Variants in NT5C1B observed in about 807,000 individuals in gnomAD.
NT5C1B encodes cytosolic 5'-nucleotidase 1B.
NT5C1B carries 44 observed loss-of-function variants against 57.8 expected under a neutral mutation model. The ratio of observed to expected loss-of-function variants is 0.76; its 90% CI spans 0.60 to 0.98. The LOEUF is 0.98. Ranked by LOEUF, NT5C1B falls within the 50% of genes least tolerant of loss-of-function variation. NT5C1B has a pLI of 0.00. For synonymous variants in NT5C1B, 284 were observed against 282.6 expected, an observed-to-expected ratio of 1.00 and a Z score of -0.05; for missense variants, 742 against 719.5, an observed-to-expected ratio of 1.03 and a Z score of -0.36.
intron 6 of NT5C1B, among the ~76,000 whole-genome samples, chr2:18,581,135 G>A (rs1666145887): frequency 6.6e-6 from 1 of 152,028 alleles, no homozygotes; most frequent in African/African-American, 2.4e-5. Context: ...AAAAAACACT[G>A]GCTGTTTGTA....
chr2:18,578,425 C>T (rs1444458364), intron 6 of NT5C1B, among the ~76,000 whole-genome samples: 1 of 152,120 alleles, frequency 6.6e-6, no homozygotes, highest in East Asian at 1.9e-4. Flanking sequence ...CTACTGTGAT[C>T]AAGTAGGCTT....
chr2:18,586,626 C>T (rs1016548336), intron 2 of NT5C1B: 2 of 651,798 alleles, frequency 3.1e-6, no homozygotes, highest in Non-Finnish European at 5.0e-6. Flanking sequence ...CATCCAAAAC[C>T]AAGATGCAAA....
intron 7 of NT5C1B, 37 bp downstream of exon 7, chr2:18,576,736 C>G: frequency 6.2e-7 from 1 of 1,610,116 alleles, no homozygotes; most frequent in South Asian, 1.1e-5. Flanking sequence ...TAGTGTAAAC[C>G]TCTTTATTAA....
chr2:18,564,936 C>G (rs1005800785), intron 8 of NT5C1B, among the ~76,000 whole-genome samples: 8 of 152,054 alleles, frequency 5.3e-5, no homozygotes, highest in Admixed American at 5.2e-4. Context: ...CCTCAGTCCT[C>G]TATTTTAAAA....
In NT5C1B at chr2:18,584,016, T is replaced by C. The variant is rs763003221; in HGVS notation, c.891+72A>G. The C allele has an allele frequency of 1.1e-5, 18 of 1,612,184 alleles. No individual in the cohort carries two copies. The highest frequency in any genetic ancestry group is 3.3e-4 in the Middle Eastern group (2 of 6,082). ...GAATGATCTGGGAAATTGGATGCCC[T>C]CCCAAGGGTTGGCCTGGGTCCCTCC... On this transcript the variant is annotated intron_variant, in intron 5 of 8. Coordinates refer to ENST00000304081, the Ensembl canonical transcript of NT5C1B. The surrounding 1 kb of genome is among the most constrained non-coding windows in gnomAD (Gnocchi z 5.8).
intron 1 of NT5C1B, among the ~76,000 whole-genome samples, chr2:18,588,398 A>G (rs1001608798): frequency 6.6e-6 from 1 of 152,172 alleles, no homozygotes; most frequent in Non-Finnish European, 1.5e-5. Context: ...AGAGCAGTCT[A>G]TATTCATCCG....
chr2:18,588,960 C>T (rs1198950734), intron 1 of NT5C1B, among the ~76,000 whole-genome samples: 3 of 152,168 alleles, frequency 2.0e-5, no homozygotes, highest in Non-Finnish European at 2.9e-5. Context: ...CTTATGGTCT[C>T]CTCTTCTCTC....
intron 6 of NT5C1B, among the ~76,000 whole-genome samples, chr2:18,580,479 G>A (rs993083001): frequency 3.9e-5 from 6 of 152,134 alleles, no homozygotes; most frequent in African/African-American, 1.4e-4. Flanking sequence ...GTCGGGCGTG[G>A]TGGCACATGC....
At chr2:18,587,544 T>G in exon 2 of NT5C1B, 1 of 1,613,974 alleles carries the variant, frequency 6.2e-7, no homozygotes, top group Non-Finnish European at 8.5e-7. Flanking sequence ...GATTCCTTTC[T>G]TTTTTCTGCT....
At chr2:18,563,143 CTG>C (rs1664325877) in exon 9 of NT5C1B, 1 of 151,312 alleles carries the variant, frequency 6.6e-6, no homozygotes, top group African/African-American at 2.4e-5. Flanking sequence ...ATATGAAACT[CTG>C]TGGATCAGAG....
At chr2:18,571,718 G>GTGTATA (rs1246189018) in intron 8 of NT5C1B, among the ~76,000 whole-genome samples, 41 of 111,438 alleles carry the variant, frequency 3.7e-4, no homozygotes, top group Non-Finnish European at 6.4e-4. Flanking sequence ...CTGTGTGTGT[G>GTGTATA]TATATATATA....
intron 6 of NT5C1B, among the ~76,000 whole-genome samples, chr2:18,581,901 G>A (rs185632275): frequency 6.6e-6 from 1 of 152,168 alleles, no homozygotes; most frequent in African/African-American, 2.4e-5. Flanking sequence ...GCATGAGAAG[G>A]TTGTACACAA....
intron 1 of NT5C1B, among the ~76,000 whole-genome samples, chr2:18,587,876 A>T (rs1401005909): frequency 6.6e-6 from 1 of 152,182 alleles, no homozygotes; most frequent in Admixed American, 6.5e-5. Context: ...AACATGGGAA[A>T]TATTAGAGAA....
intron 6 of NT5C1B, 135 bp downstream of exon 6, chr2:18,582,733 T>A (rs1666286926): frequency 7.4e-7 from 1 of 1,346,636 alleles, no homozygotes; most frequent in Non-Finnish European, 9.9e-7. Context: ...CATAGGCAAA[T>A]AAACATTCCT....
chr2:18,569,236 A>C (rs1412036750), intron 8 of NT5C1B, among the ~76,000 whole-genome samples: 1 of 152,194 alleles, frequency 6.6e-6, no homozygotes, highest in African/African-American at 2.4e-5. Flanking sequence ...AAAAAATTTT[A>C]AATGAGTCAT....
chr2:18,580,172 T>C (rs941878119), intron 6 of NT5C1B, among the ~76,000 whole-genome samples: 7 of 152,214 alleles, frequency 4.6e-5, no homozygotes, highest in Non-Finnish European at 7.3e-5. Context: ...CGAACACTTA[T>C]ATGCTGCTTT....
intron 3 of NT5C1B, 63 bp downstream of exon 3, chr2:18,586,191 C>G: frequency 6.3e-7 from 1 of 1,579,830 alleles, no homozygotes; most frequent in South Asian, 1.2e-5. Flanking sequence ...TAGAAAGCAT[C>G]AATAAATGTT....
At chr2:18,586,925 C>T (rs144860491) in intron 2 of NT5C1B, 24,262 of 1,609,822 alleles carry the variant, frequency 0.015, 226 homozygotes, top group Middle Eastern at 0.039. Context: ...TTTCTATTTG[C>T]CATATTCTTC....
At chr2:18,580,452 A>G (rs1345217062) in intron 6 of NT5C1B, among the ~76,000 whole-genome samples, 1 of 152,060 alleles carries the variant, frequency 6.6e-6, no homozygotes, top group Admixed American at 6.6e-5. Flanking sequence ...TGTCTCTACT[A>G]AAAAAATACA....
Sources: allele counts gnomAD v4.1 joint callset (sites outside exome capture counted in the v4.1 genomes callset), GRCh38; gene constraint gnomAD v4.1.1; non-coding constraint Gnocchi (gnomAD v3.1); transcripts MANE v1.5; gene names NCBI Gene and HGNC (gene_info 2026-07-23, HGNC 2026-07-21).